The following SORCS1 variants were observed in gnomAD, a reference collection of about 807,000 sequenced individuals.
SORCS1 encodes VPS10 domain-containing receptor SorCS1.
SORCS1 carries 60 observed loss-of-function variants against 146.1 expected under a neutral mutation model. The ratio of observed to expected loss-of-function variants is 0.41; its 90% CI spans 0.33 to 0.51. The LOEUF is 0.51. Among genes scored for constraint, SORCS1 ranks in the 20% least tolerant of loss-of-function variants. SORCS1 has a pLI of 0.21. For missense variants in SORCS1, 1,352 were observed against 1,487.6 expected (o/e 0.91, Z 1.50); for synonymous variants, 637 against 584.0 (o/e 1.09, Z -1.31).
chr10:106,909,352 AT>A (rs1222137244), intron 2 of SORCS1, among the ~76,000 whole-genome samples: 1 of 151,958 alleles, frequency 6.6e-6, no homozygotes, highest in Non-Finnish European at 1.5e-5. Context: ...CAAAGTAGCT[AT>A]AGGTATAGAG....
intron 1 of SORCS1, among the ~76,000 whole-genome samples, chr10:107,102,884 C>T (rs2134393150): frequency 6.6e-6 from 1 of 152,262 alleles, no homozygotes; most frequent in East Asian, 1.9e-4. Context: ...ATTTTATTAG[C>T]ATTATGCTTA....
intron 9 of SORCS1, among the ~76,000 whole-genome samples, chr10:106,694,677 C>G (rs183967229): frequency 1.4e-3 from 208 of 152,336 alleles, no homozygotes; most frequent in African/African-American, 4.6e-3. Context: ...ATTATCATAA[C>G]CGTTGAGTTT....
intron 1 of SORCS1, among the ~76,000 whole-genome samples, chr10:107,079,537 A>C (rs1963163803): frequency 6.6e-6 from 1 of 152,214 alleles, no homozygotes; most frequent in Admixed American, 6.5e-5. Context: ...CACTGCTAAC[A>C]ATTTTTTGCT....
chr10:106,667,043 T>A (rs943570902), intron 17 of SORCS1: 5 of 152,290 alleles, frequency 3.3e-5, no homozygotes, highest in Non-Finnish European at 7.3e-5. Context: ...CACACTATTT[T>A]AAAGTTTATA....
intron 1 of SORCS1, among the ~76,000 whole-genome samples, chr10:107,100,154 T>A (rs1964815840): frequency 6.6e-6 from 1 of 152,216 alleles, no homozygotes; most frequent in Non-Finnish European, 1.5e-5. Context: ...TAAATGTTTT[T>A]ACCTCACATA....
chr10:106,878,492 C>T (rs1454000377), intron 2 of SORCS1, among the ~76,000 whole-genome samples: 4 of 151,170 alleles, frequency 2.6e-5, no homozygotes, highest in African/African-American at 4.9e-5. Context: ...CCCCTTTCTG[C>T]CATGTGAGGA....
intron 1 of SORCS1, among the ~76,000 whole-genome samples, chr10:107,123,875 A>C (rs894697987): frequency 3.0e-4 from 45 of 151,756 alleles, no homozygotes; most frequent in African/African-American, 1.1e-3. Flanking sequence ...CAGGAGATTG[A>C]GACCATCCTG....
intron 2 of SORCS1, among the ~76,000 whole-genome samples, chr10:106,939,317 T>G (rs1306676217): frequency 6.6e-6 from 1 of 152,202 alleles, no homozygotes; most frequent in Non-Finnish European, 1.5e-5. Context: ...ATTTCCCAAT[T>G]AATTTGGTTT....
intron 1 of SORCS1, among the ~76,000 whole-genome samples, chr10:106,975,902 C>T (rs945274969): frequency 6.6e-6 from 1 of 152,092 alleles, no homozygotes; most frequent in Admixed American, 6.5e-5. Flanking sequence ...AATCCCAGCA[C>T]TTTGGGAGGC....
intron 1 of SORCS1, among the ~76,000 whole-genome samples, chr10:106,984,712 A>C (rs1956391439): frequency 6.6e-6 from 1 of 152,014 alleles, no homozygotes; most frequent in African/African-American, 2.4e-5. Context: ...TAATTGTAAA[A>C]GTTACTATTA....
chr10:106,878,796 A>C (rs1268772105), intron 2 of SORCS1, among the ~76,000 whole-genome samples: 1 of 150,810 alleles, frequency 6.6e-6, no homozygotes, highest in Non-Finnish European at 1.5e-5. Context: ...CATTTTTTAC[A>C]TATACTAATG....
chr10:106,730,214 G>A (rs1856495347), intron 5 of SORCS1, 100 bp from the exon 6 acceptor site: 6 of 1,059,294 alleles, frequency 5.7e-6, no homozygotes, highest in Non-Finnish European at 8.7e-6. Flanking sequence ...ATATCCACAG[G>A]CATCTAAACC....
At chr10:106,674,936 G>T in intron 14 of SORCS1, 113 bp downstream of exon 14, 2 of 766,794 alleles carry the variant, frequency 2.6e-6, no homozygotes, top group Non-Finnish European at 4.2e-6. Flanking sequence ...CTTGCAGTAA[G>T]ATGCAACAAC....
At chr10:107,132,858 TA>T (rs888376170) in intron 1 of SORCS1, among the ~76,000 whole-genome samples, 5 of 148,986 alleles carry the variant, frequency 3.4e-5, no homozygotes, top group Admixed American at 6.7e-5. Context: ...ATTTCAAAAA[TA>T]AAAAAAAATA....
At chr10:107,107,607 C>T (rs751889474) in intron 1 of SORCS1, among the ~76,000 whole-genome samples, 20 of 152,170 alleles carry the variant, frequency 1.3e-4, no homozygotes, top group Non-Finnish European at 2.4e-4. Flanking sequence ...ATTGTATCTC[C>T]CACAGCAACA....
rs752272204 is a variant in SORCS1 at position 107,164,120 on chromosome 10, C to A, written c.407G>T (p.Gly136Val). 3 of 1,613,698 alleles carry A rather than the reference C, an allele frequency of 1.9e-6. No individual in the cohort carries two copies. Among genetic ancestry groups the A allele is most frequent in the Non-Finnish European group, 2.5e-6 (3 of 1,180,032 alleles). The part of the protein sequence containing the change: ...RSPRGVLRDG[G>V]QQEPGTRERD... ...CTCCCGAGTCCCAGGCTCCTGCTGC[C>A]CTCCATCTCTTAGCACTCCCCGGGG... The change falls in exon 1 of 26, where the codon GGG (glycine) becomes GTG (valine). Residue 136 changes from glycine to valine, a missense_variant. Gly to Val is a moderately radical substitution (Grantham distance 109). Around this residue, in one of 3 missense-constraint regions of SORCS1, gnomAD observed 490 missense variants for 489.1 expected, o/e 1.00. Coordinates refer to ENST00000263054, the MANE Select transcript of SORCS1 (RefSeq NM_052918.5). The surrounding 1 kb of genome is among the most constrained non-coding windows in gnomAD (Gnocchi z 6.8).
chr10:106,963,791 C>A (rs1009644576), intron 1 of SORCS1, among the ~76,000 whole-genome samples: 6 of 152,068 alleles, frequency 3.9e-5, no homozygotes, highest in African/African-American at 1.4e-4. Flanking sequence ...ATTTATTAAG[C>A]TTTGTTAAAA....
At chr10:106,829,908 G>T (rs929285619) in intron 2 of SORCS1, among the ~76,000 whole-genome samples, 3 of 152,164 alleles carry the variant, frequency 2.0e-5, no homozygotes, top group Admixed American at 2.0e-4. Flanking sequence ...CTTAATGTAC[G>T]CACATTGCAT....
At chr10:106,774,991 A>G (rs1296597765) in intron 4 of SORCS1, among the ~76,000 whole-genome samples, 1 of 152,226 alleles carries the variant, frequency 6.6e-6, no homozygotes, top group Non-Finnish European at 1.5e-5. Flanking sequence ...AGTAGCTGGG[A>G]TGAAGTCACA....
Sources: allele counts gnomAD v4.1 joint callset (sites outside exome capture counted in the v4.1 genomes callset), GRCh38; gene constraint gnomAD v4.1.1; regional missense constraint gnomAD v4.1.1; non-coding constraint Gnocchi (gnomAD v3.1); transcripts MANE v1.5; gene names NCBI Gene and HGNC (gene_info 2026-07-23, HGNC 2026-07-21).